C1QTNF3: variants seen among roughly 807,000 people sequenced by gnomAD.
C1QTNF3 encodes C1q and TNF related 3.
C1QTNF3 carries 26 observed loss-of-function variants against 32.6 expected under a neutral mutation model. The observed-to-expected ratio is 0.80, with a 90% confidence interval of 0.58 to 1.11. The LOEUF is 1.11. C1QTNF3 is among the 50% of genes least tolerant of loss of function. The pLI, the probability that C1QTNF3 is intolerant of heterozygous loss-of-function variation, is 0.00. For synonymous variants in C1QTNF3, 155 were observed against 146.0 expected (o/e 1.06, Z -0.44); for missense variants, 362 against 398.2 (o/e 0.91, Z 0.77).
At chr5:34,125,304 A>G in the C1QTNF3 span, among the ~76,000 whole-genome samples, 33 of 151,872 alleles carry the variant, frequency 2.2e-4, no homozygotes, top group Non-Finnish European at 3.4e-4. Flanking sequence ...TTTACTTCTC[A>G]TATCTTCAAC....
At chr5:34,045,798 GAGA>G (rs893359483), upstream of C1QTNF3, among the ~76,000 whole-genome samples, 1 of 152,042 alleles carries the variant, frequency 6.6e-6, no homozygotes, top group Admixed American at 6.5e-5. Context: ...CAATGGCAGA[GAGA>G]AGAAGGTCAG....
At chr5:34,226,192 G>A in the C1QTNF3 span, among the ~76,000 whole-genome samples, 3 of 151,708 alleles carry the variant, frequency 2.0e-5, no homozygotes, top group Non-Finnish European at 4.4e-5. Context: ...AGAGAATACC[G>A]ACTAACCAAA....
chr5:34,240,841 T>C, the C1QTNF3 span, among the ~76,000 whole-genome samples: 10 of 152,178 alleles, frequency 6.6e-5, no homozygotes, highest in Non-Finnish European at 1.2e-4. Flanking sequence ...GTGACCACTG[T>C]TGACGAACAT....
chr5:34,120,078 A>G, the C1QTNF3 span, among the ~76,000 whole-genome samples: 1 of 152,216 alleles, frequency 6.6e-6, no homozygotes, highest in Non-Finnish European at 1.5e-5. Flanking sequence ...TAATTTTAAT[A>G]CTACCTCAAG....
chr5:34,086,253 C>CA, the C1QTNF3 span, among the ~76,000 whole-genome samples: 1 of 144,516 alleles, frequency 6.9e-6, no homozygotes, highest in African/African-American at 2.6e-5. Flanking sequence ...AACACATGGG[C>CA]ACAGGGAGGG....
At chr5:34,170,188 G>T in the C1QTNF3 span, among the ~76,000 whole-genome samples, 1 of 152,088 alleles carries the variant, frequency 6.6e-6, no homozygotes, top group Admixed American at 6.6e-5. Context: ...GTCACAAGAG[G>T]ACAAATACTA....
the C1QTNF3 span, among the ~76,000 whole-genome samples, chr5:34,140,640 T>C: frequency 6.6e-6 from 1 of 152,218 alleles, no homozygotes; most frequent in African/African-American, 2.4e-5. Context: ...GACATCCCTA[T>C]GGGGATTAGA....
chr5:34,032,518 G>A (rs1397031524), intron 3 of C1QTNF3, among the ~76,000 whole-genome samples: 1 of 152,232 alleles, frequency 6.6e-6, no homozygotes, highest in Non-Finnish European at 1.5e-5. Flanking sequence ...ACAAGGTCAA[G>A]TGTGGTGGCT....
At chr5:34,124,340 C>G in the C1QTNF3 span, 1 of 672,498 alleles carries the variant, frequency 1.5e-6, no homozygotes, top group African/African-American at 1.8e-5. Flanking sequence ...AAAGAAATAC[C>G]TGAGACTAGG....
chr5:34,053,889 T>C, the C1QTNF3 span, among the ~76,000 whole-genome samples: 1 of 152,184 alleles, frequency 6.6e-6, no homozygotes. Flanking sequence ...TCTTCAGTAA[T>C]TATGTACTGA....
At chr5:34,217,370 G>A in the C1QTNF3 span, among the ~76,000 whole-genome samples, 2 of 152,090 alleles carry the variant, frequency 1.3e-5, no homozygotes, top group East Asian at 3.9e-4. Flanking sequence ...CATATAGGAA[G>A]CCTGCATAAT....
At chr5:34,181,971 C>A in the C1QTNF3 span, among the ~76,000 whole-genome samples, 401 of 150,422 alleles carry the variant, frequency 2.7e-3, no homozygotes, top group African/African-American at 9.7e-3. Flanking sequence ...TCACCGGAGT[C>A]CAGGAGTTCA....
At chr5:34,142,855 C>G in the C1QTNF3 span, among the ~76,000 whole-genome samples, 1 of 152,220 alleles carries the variant, frequency 6.6e-6, no homozygotes. Context: ...CACAAGTACT[C>G]TGGCAATTTA....
chr5:34,237,038 CTTAG>C, the C1QTNF3 span, among the ~76,000 whole-genome samples: 2 of 152,082 alleles, frequency 1.3e-5, no homozygotes, highest in African/African-American at 4.8e-5. Context: ...AGAAAGGTTG[CTTAG>C]TTAAAGATCT....
At chr5:34,211,939 T>C in the C1QTNF3 span, among the ~76,000 whole-genome samples, 14 of 152,254 alleles carry the variant, frequency 9.2e-5, no homozygotes, top group Admixed American at 6.5e-4. Context: ...AGAGCCCGCA[T>C]CGCCAAGTCA....
intron 1 of C1QTNF3, among the ~76,000 whole-genome samples, chr5:34,040,719 G>A (rs1356365791): frequency 6.6e-6 from 1 of 151,970 alleles, no homozygotes; most frequent in Non-Finnish European, 1.5e-5. Flanking sequence ...GTCGTGTAAT[G>A]TCCCGTCGTC....
At chr5:34,202,850 CCT>C in the C1QTNF3 span, among the ~76,000 whole-genome samples, 1 of 151,580 alleles carries the variant, frequency 6.6e-6, no homozygotes, top group Admixed American at 6.6e-5. Flanking sequence ...ATTCACTAAA[CCT>C]CTCTCAGCTT....
the C1QTNF3 span, among the ~76,000 whole-genome samples, chr5:34,053,021 T>C: frequency 2.0e-5 from 3 of 152,242 alleles, no homozygotes; most frequent in African/African-American, 7.2e-5. Flanking sequence ...CTTAGCTTCT[T>C]CGATTTTTCC....
At chr5:34,238,341 A>T in the C1QTNF3 span, among the ~76,000 whole-genome samples, 1 of 152,206 alleles carries the variant, frequency 6.6e-6, no homozygotes. Context: ...AGGGAAGCTC[A>T]TGAACATTAA....
Sources: gnomAD v4.1 joint callset for allele counts (sites outside exome capture counted in the v4.1 genomes callset) on GRCh38, gnomAD v4.1.1 for gene constraint, MANE v1.5 for transcripts, NCBI Gene and HGNC (gene_info 2026-07-23, HGNC 2026-07-21) for gene names.